Variants in DENND10 observed in about 807,000 individuals in gnomAD.
DENND10 encodes DENN domain containing 10, also known as DENN domain-containing protein 10.
DENND10 carries 24 observed loss-of-function variants against 43.6 expected under a neutral mutation model. The observed-to-expected ratio is 0.55, with a 90% CI of 0.40 to 0.77. The LOEUF (loss-of-function observed/expected upper bound fraction) is 0.77. Ranked by LOEUF, DENND10 falls within the 30% of genes least tolerant of loss-of-function variation. The pLI is 0.00. For synonymous variants in DENND10, 125 were observed against 157.6 expected, an observed-to-expected ratio of 0.79 and a Z score of 1.55; for missense variants, 303 against 429.9, an observed-to-expected ratio of 0.70 and a Z score of 2.61.
chr10:119,135,586 G>C (rs188397859), intron 8 of DENND10, among the ~76,000 whole-genome samples: 2 of 152,026 alleles, frequency 1.3e-5, no homozygotes, highest in South Asian at 2.1e-4. Context: ...ACTTATATGA[G>C]CTATCTAGAG....
chr10:119,105,478 T>C, intron 1 of DENND10: 1 of 1,122,706 alleles, frequency 8.9e-7, no homozygotes, highest in Non-Finnish European at 1.2e-6. Flanking sequence ...GGAGATGGGA[T>C]ACCGACATGT....
intron 2 of DENND10, among the ~76,000 whole-genome samples, chr10:119,108,871 T>C (rs1380539286): frequency 6.6e-6 from 1 of 151,644 alleles, no homozygotes; most frequent in Non-Finnish European, 1.5e-5. Context: ...GCCAGGCTGG[T>C]CGTGAATTCC....
intron 7 of DENND10, among the ~76,000 whole-genome samples, chr10:119,131,934 C>A (rs938746509): frequency 2.0e-5 from 3 of 152,234 alleles, no homozygotes; most frequent in Non-Finnish European, 4.4e-5. Flanking sequence ...TCATCCTAAT[C>A]CGCACCAGTT....
intron 2 of DENND10, 59 bp from the exon 3 acceptor site, chr10:119,111,790 T>C (rs1844987772): frequency 7.6e-7 from 1 of 1,322,566 alleles, no homozygotes; most frequent in Non-Finnish European, 1.1e-6. Flanking sequence ...AATATAGTAA[T>C]AAAAATTCTG....
chr10:119,123,403 A>AG, intron 5 of DENND10, 66 bp from the exon 6 acceptor site: 3 of 1,158,568 alleles, frequency 2.6e-6, no homozygotes, highest in Middle Eastern at 1.9e-4. Context: ...GAAGAGGAGA[A>AG]GGGGGCAGGC....
At chr10:119,114,966 C>T (rs1448232701) in intron 3 of DENND10, among the ~76,000 whole-genome samples, 1 of 152,032 alleles carries the variant, frequency 6.6e-6, no homozygotes, top group Non-Finnish European at 1.5e-5. Flanking sequence ...GACGGGGTTT[C>T]ACCATGTTCA....
intron 3 of DENND10, among the ~76,000 whole-genome samples, chr10:119,112,718 C>T (rs1029886595): frequency 3.3e-5 from 5 of 152,120 alleles, no homozygotes; most frequent in Middle Eastern, 3.4e-3. Context: ...TGGTTTCAAA[C>T]TCCTGAGCTC....
At chr10:119,113,149 C>A (rs1335854206) in intron 3 of DENND10, among the ~76,000 whole-genome samples, 1 of 150,838 alleles carries the variant, frequency 6.6e-6, no homozygotes, top group African/African-American at 2.4e-5. Context: ...CCGCACCCTG[C>A]CTTGCAGGGT....
At chr10:119,113,725 C>A (rs1392919239) in intron 3 of DENND10, among the ~76,000 whole-genome samples, 1 of 150,042 alleles carries the variant, frequency 6.7e-6, no homozygotes. Flanking sequence ...TATCATAAGA[C>A]TATCTTCTCA....
Position 119,117,657 on chromosome 10 carries a change from C to T in DENND10, c.471C>T (p.Gly157=). 1 of 1,613,784 alleles carries T rather than the reference C, an allele frequency of 6.2e-7. No homozygotes were observed. The highest frequency in any genetic ancestry group is 8.5e-7 in the Non-Finnish European group (1 of 1,179,894). The change falls in exon 4 of 9, where the codon GGC becomes GGT. Residue 157 remains glycine, a synonymous_variant. Transcript: ENST00000361432. ...ATGCCCGAAAGGCCTACCTGGCTGG[C>T]TCCATCAAAGGTAAGAAGGGAAAAA... The part of the protein sequence containing the change: ...DFDARKAYLA[G]SIKDIVSQFG...
chr10:119,117,133 A>C (rs985292155), intron 3 of DENND10, among the ~76,000 whole-genome samples: 5 of 151,610 alleles, frequency 3.3e-5, no homozygotes, highest in Admixed American at 2.0e-4. Context: ...GCACTTTAGG[A>C]GGCTGAGGTG....
intron 3 of DENND10, among the ~76,000 whole-genome samples, chr10:119,113,541 G>T: frequency 6.6e-6 from 1 of 151,492 alleles, no homozygotes; most frequent in African/African-American, 2.4e-5. Flanking sequence ...TATAATTCTA[G>T]GTGTCATGTT....
intron 4 of DENND10, among the ~76,000 whole-genome samples, chr10:119,118,481 A>C (rs1845402125): frequency 6.6e-6 from 1 of 152,166 alleles, no homozygotes; most frequent in Non-Finnish European, 1.5e-5. Flanking sequence ...AGGGTCCCTG[A>C]GCAGGAGGCG....
At chr10:119,104,250 TC>T in intron 1 of DENND10, 53 bp downstream of exon 1, 1 of 1,466,464 alleles carries the variant, frequency 6.8e-7, no homozygotes, top group Non-Finnish European at 9.1e-7. Flanking sequence ...CTGCCTCTGC[TC>T]CACCTCGGCC....
chr10:119,109,276 C>T (rs955159196), intron 2 of DENND10, among the ~76,000 whole-genome samples: 1 of 150,790 alleles, frequency 6.6e-6, no homozygotes, highest in Non-Finnish European at 1.5e-5. Flanking sequence ...ATTAAGTAGA[C>T]TTTTCTTGGT....
intron 2 of DENND10, among the ~76,000 whole-genome samples, chr10:119,108,902 G>A (rs760182841): frequency 5.3e-5 from 8 of 150,912 alleles, no homozygotes; most frequent in South Asian, 4.2e-4. Flanking sequence ...TGATGCACCC[G>A]GCCAGGATAA....
rs201890477 is a variant in DENND10, at chr10:119,104,211, C to G, written c.55+14C>G. The G allele has an allele frequency of 4.6e-6, 7 of 1,509,656 alleles. No individual in the cohort carries two copies. The highest frequency in any genetic ancestry group is 4.3e-5 in the African/African-American group (3 of 69,314). 93.5% of individuals were successfully genotyped at this position (1,509,656 alleles called of 1,614,324 possible). A position where few individuals can be genotyped will look rare whatever the true frequency, so the allele number is the denominator to read the frequency against. ...TCGGGCTGATCGGTGAGGACGTAGG[C>G]GCCCTGCCTGGAAGCCCGCACCCTG... On this transcript the variant is annotated intron_variant, in intron 1 of 8. Coordinates refer to ENST00000361432, the MANE Select transcript of DENND10 (RefSeq NM_207009.4).
Position 119,132,672 on chromosome 10 carries a change from C to A in DENND10, c.897+63C>A. 2 of 1,333,402 alleles carry A rather than the reference C, an allele frequency of 1.5e-6. No homozygotes were observed. Among genetic ancestry groups the A allele is most frequent in the Non-Finnish European group, 1.1e-6 (1 of 924,148 alleles). 82.6% of individuals were successfully genotyped at this position (1,333,402 alleles called of 1,614,324 possible). A position where few individuals can be genotyped will look rare whatever the true frequency, so the allele number is the denominator to read the frequency against. On this transcript the variant is annotated intron_variant, in intron 8 of 8. Coordinates refer to ENST00000361432, the MANE Select transcript of DENND10 (RefSeq NM_207009.4). The surrounding 1 kb of genome is among the most constrained non-coding windows in gnomAD (Gnocchi z 4.2). The stretch of plus-strand genomic sequence containing the variant: ...CCCGGTGTCGCTGGGTGGTGTGCGG[C>A]AGAGCTGTGCACATAAGCAGAGTGG...
At chr10:119,105,883 C>A (rs1844672812) in intron 1 of DENND10, among the ~76,000 whole-genome samples, 1 of 151,914 alleles carries the variant, frequency 6.6e-6, no homozygotes, top group Non-Finnish European at 1.5e-5. Context: ...CCCCCCCCAA[C>A]CCCGTCTCAA....
Sources: gnomAD v4.1 joint callset for allele counts (sites outside exome capture counted in the v4.1 genomes callset) on GRCh38, gnomAD v4.1.1 for gene constraint, Gnocchi (gnomAD v3.1) non-coding constraint, MANE v1.5 for transcripts, NCBI Gene and HGNC (gene_info 2026-07-23, HGNC 2026-07-21) for gene names.